TRMT1: variants seen among roughly 807,000 people sequenced by gnomAD.
The protein encoded by TRMT1 is tRNA methyltransferase 1.
Under a neutral mutation model 75.4 loss-of-function variants are expected in TRMT1, and 63 were observed. The ratio of observed to expected loss-of-function variants is 0.84; its 90% CI spans 0.68 to 1.03. The LOEUF is 1.03. TRMT1 is among the 50% of genes least tolerant of loss of function. The pLI is 0.00. For missense variants in TRMT1, 870 were observed against 905.3 expected, an observed-to-expected ratio of 0.96 and a Z score of 0.50; for synonymous variants, 382 against 358.1, an observed-to-expected ratio of 1.07 and a Z score of -0.75.
At chr19:13,107,993 T>TC (rs1568361759) in intron 12 of TRMT1, 134 bp from the exon 13 acceptor site, 2 of 558,988 alleles carry the variant, frequency 3.6e-6, no homozygotes, top group African/African-American at 2.8e-5. Context: ...TTCTTTTTTT[T>TC]TTTTTTTTTT....
In TRMT1 at chr19:13,115,786, C is replaced by G. The variant is rs1410886044; in HGVS notation, c.311-18G>C. On this transcript the variant is annotated intron_variant, in intron 3 of 16. Transcript: ENST00000357720. ...AACCTTGACTGCAGCCACCCAGAGG[C>G]ACAAGTCAGAGAATAACAAGGTCCC... The G allele has an allele frequency of 6.2e-7, 1 of 1,613,916 alleles. No individual in the cohort carries two copies.
In TRMT1 at chr19:13,109,376, C is replaced by CT. The variant is rs2019028982; in HGVS notation, c.1397+4dup. 1 of 1,612,268 alleles carries CT rather than the reference C, an allele frequency of 6.2e-7. No individual in the cohort carries two copies. Among genetic ancestry groups the CT allele is most frequent in the Admixed American group, 1.7e-5 (1 of 59,964 alleles). On this transcript the variant is annotated splice_donor_region_variant and intron_variant, in intron 12 of 16. Transcript: ENST00000357720. ...CAGGCTCCTCCCGACCCCAGGGGCT[C>CT]TTACCGCAACTGCAGGAGGCTTGGT...
intron 7 of TRMT1, 95 bp downstream of exon 7, chr19:13,112,610 G>T: frequency 8.3e-7 from 1 of 1,204,768 alleles, no homozygotes; most frequent in Admixed American, 1.9e-5. Context: ...GGAGGAAGCT[G>T]AGCAGGTCTG....
chr19:13,113,260 G>A (rs765094823), intron 5 of TRMT1, among the ~76,000 whole-genome samples: 1 of 152,078 alleles, frequency 6.6e-6, no homozygotes, highest in East Asian at 1.9e-4. Flanking sequence ...CCCAGTTCAA[G>A]CAATTCTCGC....
Position 13,109,939 on chromosome 19 carries a change from T to C in TRMT1, c.1082A>G (p.Lys361Arg). 1 of 1,613,972 alleles carries C rather than the reference T, an allele frequency of 6.2e-7. No individual in the cohort carries two copies. Among genetic ancestry groups the C allele is most frequent in the African/African-American group, 1.3e-5 (1 of 75,038 alleles). The stretch of plus-strand genomic sequence containing the variant: ...CCGGCCGCTGGGGACTCCTGACGCT[T>C]TGCCGAGACGCTGAAGGTGGAAGGC... ...CGAFHLQRLG[K>R]ASGVPSGRAK... Residue 361 changes from lysine to arginine, a missense_variant, in exon 9 of 17, where the codon AAA becomes AGA. Physicochemically the swap from Lys to Arg is conservative, Grantham distance 26. Coordinates refer to ENST00000357720, the MANE Select transcript of TRMT1 (RefSeq NM_001136035.4).
chr19:13,115,402 T>C lies in TRMT1; in HGVS notation c.518A>G (p.Glu173Gly). ...AACCACAGATCTGAGCCCAGGCACC[T>C]CTAGGGCAAATCGAATGGAACGTAG... ...SGLRSIRFAL[E>G]VPGLRSVVAN... is the part of the protein sequence containing the mutation. The change falls in exon 5 of 17, where the codon GAG becomes GGG. Residue 173 changes from glutamate to glycine, a missense_variant. By Grantham distance (98) the Glu-to-Gly change is moderately conservative. Transcript: ENST00000357720. 1 of 1,613,992 alleles carries C rather than the reference T, an allele frequency of 6.2e-7. No homozygotes were observed. The highest frequency in any genetic ancestry group is 8.5e-7 in the Non-Finnish European group (1 of 1,180,006).
chr19:13,113,969 C>G (rs1000539613), intron 5 of TRMT1, among the ~76,000 whole-genome samples: 1 of 152,126 alleles, frequency 6.6e-6, no homozygotes, highest in African/African-American at 2.4e-5. Flanking sequence ...GTCTTGAAAT[C>G]CTGGCCTCAA....
At position 13,109,554 on chromosome 19, in the gene TRMT1, G is replaced by A. The variant is rs1490044571; in HGVS notation, c.1307C>T (p.Thr436Ile). Reference protein sequence around the residue: ...ERIRGVLSVITEELPDVPLYY... With the variant: ...ERIRGVLSVIIEELPDVPLYY... The stretch of plus-strand genomic sequence containing the variant: ...CCGTCACAGCCCGGCTCTCACCTCA[G>A]TGATGACGCTCAGGACCCCTCGGAT... The change falls in exon 11 of 17, where the codon ACT (threonine) becomes ATT (isoleucine). Residue 436 changes from threonine (T) to isoleucine (I), a missense_variant. Transcript: ENST00000357720. The A allele has an allele frequency of 4.3e-6, 7 of 1,613,950 alleles. No homozygotes were observed. The highest frequency in any genetic ancestry group is 2.2e-5 in the East Asian group (1 of 44,900).
intron 1 of TRMT1, 32 bp from the exon 2 acceptor site, chr19:13,116,463 G>A (rs2019367985): frequency 4.5e-6 from 7 of 1,544,296 alleles, no homozygotes; most frequent in African/African-American, 2.7e-5. Flanking sequence ...GGCACAGAGA[G>A]GGTCAGAGAG....
At chr19:13,106,640 T>A (rs1272346370) in intron 14 of TRMT1, among the ~76,000 whole-genome samples, 1 of 146,748 alleles carries the variant, frequency 6.8e-6, no homozygotes. Context: ...CACACCTGGC[T>A]AATTTTTTTT....
At position 13,105,582 on chromosome 19, in the gene TRMT1, C is replaced by A. The variant is rs1448919024; in HGVS notation, c.1608G>T (p.Arg536=). Residue 536 remains arginine, a synonymous_variant, in exon 15 of 17, where the codon CGG becomes CGT. Transcript: ENST00000357720. ...EPRLQANFTI[R]EDANPSSRQR... is the part of the protein sequence containing the mutation. ...GTCGGGAGCTGGGGTTGGCATCTTC[C>A]CGGATGGTGAAGTTGGCCTGCAGCC... The A allele has an allele frequency of 2.5e-6, 4 of 1,613,602 alleles. No individual in the cohort carries two copies. The highest frequency in any genetic ancestry group is 3.4e-6 in the Non-Finnish European group (4 of 1,179,890).
rs1353064810 is a variant in TRMT1 at position 13,116,720 on chromosome 19, C to A, written c.-100G>T. 2.8e-6 allele frequency: 1 copy of A among 354,254 alleles called. No individual in the cohort carries two copies. Among genetic ancestry groups the A allele is most frequent in the African/African-American group, 2.1e-5 (1 of 48,696 alleles). 21.9% of individuals were successfully genotyped at this position (354,254 alleles called of 1,614,324 possible). On this transcript the variant is annotated 5_prime_UTR_variant, in exon 1 of 17. Coordinates refer to ENST00000357720, the MANE Select transcript of TRMT1 (RefSeq NM_001136035.4). The stretch of plus-strand genomic sequence containing the variant: ...GTTTCCCGAATTAGGACCTGGGCGC[C>A]GCCATGTTGGCACAGTGGGTGGGCG...
rs1319556485 is a variant in TRMT1 at position 13,115,286 on chromosome 19, C to G, written c.634G>C (p.Asp212His). The change falls in exon 5 of 17, where the codon GAT becomes CAT. Residue 212 changes from aspartate to histidine, a missense_variant. By Grantham distance (81) the Asp-to-His change is moderately conservative (BLOSUM62 -1). Transcript: ENST00000357720. ...VAHLVQPSQA[D>H]ARMLMYQHQR... ...GTGATGCCCAGAACCTACCGGGCAT[C>G]TGCTTGGCTCGGCTGTACCAGGTGG... 8 of 1,611,098 alleles carry G rather than the reference C, an allele frequency of 5.0e-6. No homozygotes were observed.
chr19:13,110,768 T>G (rs2019109545), intron 7 of TRMT1, among the ~76,000 whole-genome samples: 1 of 152,046 alleles, frequency 6.6e-6, no homozygotes, highest in South Asian at 2.1e-4. Context: ...GCTAACATGA[T>G]GAAATCCCCG....
rs368153051 is a variant in TRMT1, at chr19:13,109,576, G to A, written c.1285C>T (p.Arg429Ter). 2.3e-5 allele frequency: 37 copies of A among 1,613,860 alleles called. No individual in the cohort carries two copies. The highest frequency in any genetic ancestry group is 5.3e-5 in the African/African-American group (4 of 74,886). The change falls in exon 11 of 17, where the codon CGA (arginine) becomes TGA (stop). Residue 429 changes from arginine (R) to a stop codon, truncating the protein, a stop_gained. Transcript: ENST00000357720. LOFTEE classifies it high-confidence loss of function. ...PGRFHTSERI[R>*]GVLSVITEEL... ...TCAGTGATGACGCTCAGGACCCCTC[G>A]GATCCGCTCCGAGGTGTGGAAGCGG...
intron 8 of TRMT1, 28 bp downstream of exon 8, chr19:13,110,130 C>A: frequency 6.2e-7 from 1 of 1,610,524 alleles, no homozygotes; most frequent in South Asian, 1.1e-5. Flanking sequence ...TCTCTCAATC[C>A]ACCACCGCTC....
intron 12 of TRMT1, among the ~76,000 whole-genome samples, chr19:13,108,160 T>G (rs2018970746): frequency 6.6e-6 from 1 of 151,652 alleles, no homozygotes; most frequent in Non-Finnish European, 1.5e-5. Context: ...CCAGCTAATT[T>G]TTGTATTTTT....
rs1469081381 is a variant in TRMT1, at chr19:13,116,389, G to C, written c.11C>G (p.Ser4Trp). 5.0e-6 allele frequency: 8 copies of C among 1,602,238 alleles called. No homozygotes were observed. The East Asian group carries it at 1.1e-4, about 22-fold the overall frequency. ...GAAAGTGAGGCTTAGCCACAGAGACGATCCTTGCATGAGACATCCGCTGGC... is the reference window on the plus strand; with the variant it reads ...GAAAGTGAGGCTTAGCCACAGAGACCATCCTTGCATGAGACATCCGCTGGC... MQG[S>W]SLWLSLTFRS... The change falls in exon 2 of 17, where the codon TCG becomes TGG. Residue 4 changes from serine to tryptophan, a missense_variant. Physicochemically the swap from Ser to Trp is radical, Grantham distance 177. Transcript: ENST00000357720.
At chr19:13,108,580 ACC>A (rs1482770138) in intron 12 of TRMT1, among the ~76,000 whole-genome samples, 11 of 151,804 alleles carry the variant, frequency 7.2e-5, no homozygotes, top group South Asian at 2.1e-4. Context: ...GGCATGAGCC[ACC>A]ACACCTGGCC....
Sources: gnomAD v4.1 joint callset for allele counts (sites outside exome capture counted in the v4.1 genomes callset) on GRCh38, gnomAD v4.1.1 for gene constraint, MANE v1.5 for transcripts, NCBI Gene and HGNC (gene_info 2026-07-23, HGNC 2026-07-21) for gene names.